KALRN: variants seen among roughly 807,000 people sequenced by gnomAD.
The protein encoded by KALRN is kalirin RhoGEF kinase.
A neutral mutation model predicts 353.7 loss-of-function variants in KALRN; 70 were observed. The ratio of observed to expected loss-of-function variants is 0.20; its 90% CI spans 0.16 to 0.24. The LOEUF (loss-of-function observed/expected upper bound fraction) is 0.24, where lower values mean the gene tolerates loss of function less well. KALRN is among the 10% of genes least tolerant of loss of function. The pLI is 1.00. For synonymous variants in KALRN, 1,391 were observed against 1,434.8 expected (o/e 0.97, Z 0.69); for missense variants, 2,791 against 3,756.7 (o/e 0.74, Z 6.72).
intron 1 of KALRN, among the ~76,000 whole-genome samples, chr3:124,188,066 C>G (rs575532013): frequency 5.3e-5 from 8 of 152,264 alleles, no homozygotes; most frequent in African/African-American, 1.9e-4. Context: ...GGGCCCTACT[C>G]TAGAACAATT....
chr3:124,437,640 A>G (rs961810876), intron 17 of KALRN, among the ~76,000 whole-genome samples: 3 of 143,016 alleles, frequency 2.1e-5, no homozygotes, highest in African/African-American at 7.7e-5. Context: ...CATTGAGCCA[A>G]GATTGCACCA....
intron 6 of KALRN, among the ~76,000 whole-genome samples, chr3:124,316,191 C>T (rs546724366): frequency 1.3e-5 from 2 of 152,298 alleles, no homozygotes; most frequent in South Asian, 2.1e-4. Context: ...CTCTTATTGC[C>T]GCCTCCATGG....
chr3:124,308,360 C>T (rs1044365209), intron 6 of KALRN, among the ~76,000 whole-genome samples: 2 of 151,886 alleles, frequency 1.3e-5, no homozygotes, highest in African/African-American at 4.8e-5. Flanking sequence ...CCAACAATAG[C>T]AGACTATATA....
intron 1 of KALRN, among the ~76,000 whole-genome samples, chr3:124,091,536 A>G (rs1387575772): frequency 6.6e-6 from 1 of 152,152 alleles, no homozygotes; most frequent in African/African-American, 2.4e-5. Context: ...GTGGGTGAAG[A>G]GAGGGAGAAA....
At chr3:124,347,006 G>A in intron 9 of KALRN, 137 bp from the exon 10 acceptor site, 2 of 1,267,428 alleles carry the variant, frequency 1.6e-6, no homozygotes, top group Admixed American at 1.9e-5. Flanking sequence ...ACAGCAGATT[G>A]ACCATTTCCA....
At chr3:124,343,081 CTT>C (rs1166079557) in intron 9 of KALRN, among the ~76,000 whole-genome samples, 1 of 152,230 alleles carries the variant, frequency 6.6e-6, no homozygotes, top group African/African-American at 2.4e-5. Flanking sequence ...ACCATCACCT[CTT>C]GTCAGAATTT....
At chr3:124,163,462 T>G (rs1359448117) in intron 1 of KALRN, 1 of 249,324 alleles carries the variant, frequency 4.0e-6, no homozygotes, top group African/African-American at 2.3e-5. Context: ...TTTTGACAAA[T>G]CACGTTGCAA....
chr3:124,452,418 G>T (rs913609304), intron 21 of KALRN, among the ~76,000 whole-genome samples: 3 of 152,158 alleles, frequency 2.0e-5, no homozygotes, highest in Non-Finnish European at 4.4e-5. Flanking sequence ...TAGGGTTCAT[G>T]GTCTAATGAA....
At chr3:124,571,845 C>G (rs2073544183) in intron 34 of KALRN, among the ~76,000 whole-genome samples, 1 of 151,550 alleles carries the variant, frequency 6.6e-6, no homozygotes, top group Non-Finnish European at 1.5e-5. Flanking sequence ...CCAGGCTGGT[C>G]TCGAACTCCT....
At chr3:124,551,059 A>G (rs910487963) in intron 33 of KALRN, among the ~76,000 whole-genome samples, 3 of 152,186 alleles carry the variant, frequency 2.0e-5, no homozygotes, top group African/African-American at 7.2e-5. Flanking sequence ...GTTCAAGGGA[A>G]CAGTACAAAG....
rs149705151 is a variant in KALRN, at chr3:124,493,800, C to T, written c.4832+918C>T. On this transcript the variant is annotated intron_variant, in intron 32 of 59. Transcript: ENST00000682506. Reference sequence around the variant, plus strand: ...GGGTGTGACTATGGTGGAGAAACCTCCATGGGGCGGAAGCCCCAAGACCTG... The same window carrying T: ...GGGTGTGACTATGGTGGAGAAACCTTCATGGGGCGGAAGCCCCAAGACCTG... Among the ~76,000 whole-genome samples the T allele has an allele frequency of 5.8e-3, 879 of 152,346 alleles. 9 individuals are homozygous for T. Among genetic ancestry groups the T allele is most frequent in the African/African-American group, 0.02 (841 of 41,584 alleles).
chr3:124,495,996 T>TATAC (rs1561137125), intron 32 of KALRN, among the ~76,000 whole-genome samples: 10 of 57,410 alleles, frequency 1.7e-4, no homozygotes, highest in South Asian at 6.7e-4. Flanking sequence ...TATATATATA[T>TATAC]ATATATATAT....
chr3:124,233,138 G>T (rs1410401949), intron 2 of KALRN, among the ~76,000 whole-genome samples: 1 of 152,090 alleles, frequency 6.6e-6, no homozygotes, highest in Non-Finnish European at 1.5e-5. Flanking sequence ...TGGAGCTGTG[G>T]TTCCTTGTGG....
In KALRN at chr3:124,666,999, C is replaced by T. The variant is rs759447825; in HGVS notation, c.6532-13C>T. On this transcript the variant is annotated splice_polypyrimidine_tract_variant and intron_variant, in intron 46 of 59. Transcript: ENST00000682506. The stretch of plus-strand genomic sequence containing the variant: ...CTTTTAAATGTAAAAAGGATCAACT[C>T]GTTTTCTTCCAGATGAATTACTTGG... The T allele has an allele frequency of 1.8e-5, 29 of 1,583,664 alleles. No homozygotes were observed. The East Asian group carries it at 3.4e-4, about 19-fold the overall frequency.
chr3:124,574,791 C>A (rs1000901705), intron 34 of KALRN, among the ~76,000 whole-genome samples: 1 of 152,220 alleles, frequency 6.6e-6, no homozygotes, highest in Non-Finnish European at 1.5e-5. Context: ...AGGCAATGGT[C>A]TGGACAATCT....
At chr3:124,519,347 A>G (rs1290368394) in intron 33 of KALRN, 4 of 985,334 alleles carry the variant, frequency 4.1e-6, no homozygotes, top group East Asian at 1.1e-4. Flanking sequence ...AAAGTCCTCC[A>G]GTTTCCAACA....
intron 37 of KALRN, among the ~76,000 whole-genome samples, chr3:124,643,502 C>A (rs1708308): frequency 6.6e-6 from 1 of 151,974 alleles, no homozygotes; most frequent in Non-Finnish European, 1.5e-5. Flanking sequence ...GTTTTTTTGA[C>A]ACAGGGTCTC....
At chr3:124,269,969 A>AT (rs1340939011) in intron 5 of KALRN, among the ~76,000 whole-genome samples, 3 of 152,170 alleles carry the variant, frequency 2.0e-5, no homozygotes, top group African/African-American at 4.8e-5. Flanking sequence ...GTAAGACACC[A>AT]TTTTTTCCAG....
At chr3:124,360,840 T>TCTA in intron 10 of KALRN, among the ~76,000 whole-genome samples, 1 of 152,314 alleles carries the variant, frequency 6.6e-6, no homozygotes, top group East Asian at 1.9e-4. Flanking sequence ...CCAGCATTTG[T>TCTA]CTACGCTGAA....
Sources: gnomAD v4.1 joint callset for allele counts (sites outside exome capture counted in the v4.1 genomes callset) on GRCh38, gnomAD v4.1.1 for gene constraint, MANE v1.5 for transcripts, NCBI Gene and HGNC (gene_info 2026-07-23, HGNC 2026-07-21) for gene names.